MYO7A: variants seen among roughly 807,000 people sequenced by gnomAD.
MYO7A encodes myosin VIIA.
In MYO7A, 210 loss-of-function variants were observed where a neutral mutation model predicts 263.8. The ratio of observed to expected loss-of-function variants is 0.80; its 90% confidence interval spans 0.71 to 0.89. The LOEUF (loss-of-function observed/expected upper bound fraction) is 0.89, where lower values mean the gene tolerates loss of function less well. Among genes scored for constraint, MYO7A ranks in the 40% least tolerant of loss-of-function variants. MYO7A has a pLI of 0.00. For synonymous variants in MYO7A, 1,239 were observed against 1,197.3 expected (o/e 1.03, Z -0.72); for missense variants, 2,820 against 2,968.3 (o/e 0.95, Z 1.16).
chr11:77,176,869 T>C (rs1225109599), intron 18 of MYO7A, among the ~76,000 whole-genome samples: 1 of 152,056 alleles, frequency 6.6e-6, no homozygotes, highest in Non-Finnish European at 1.5e-5. Flanking sequence ...TGCCAGCACA[T>C]GGAGGTGTTC....
chr11:77,187,600 G>A (rs1955739389), intron 27 of MYO7A, among the ~76,000 whole-genome samples: 1 of 152,184 alleles, frequency 6.6e-6, no homozygotes, highest in Non-Finnish European at 1.5e-5. Flanking sequence ...CTTCCCCACA[G>A]GGCCAGGAGA....
At chr11:77,205,314 GGGGTCCTGAGA>G in intron 39 of MYO7A, 137 bp from the exon 40 acceptor site, 1 of 944,094 alleles carries the variant, frequency 1.1e-6, no homozygotes. Context: ...GGTAGGGTGA[GGGGTCCTGAGA>G]TAGGGTAAAG....
chr11:77,177,929 G>A (rs1341170626), intron 19 of MYO7A, among the ~76,000 whole-genome samples: 2 of 152,100 alleles, frequency 1.3e-5, no homozygotes, highest in Admixed American at 6.5e-5. Context: ...TGGACCCACT[G>A]TTCATGTCAG....
rs1956489145 is a variant in MYO7A, at chr11:77,194,454, C to T, written c.4253C>T (p.Pro1418Leu). The T allele has an allele frequency of 1.2e-6, 2 of 1,610,704 alleles. No homozygotes were observed. Among genetic ancestry groups the T allele is most frequent in the South Asian group, 2.2e-5 (2 of 90,132 alleles). ...RLLNLVPTYIPDREITPLKTL... is the reference protein window; with the variant it reads ...RLLNLVPTYILDREITPLKTL... ...CTGAACCTCGTGCCCACCTACATCCCCGACCGCGAGATCACGCCCCTGAAG... is the reference window on the plus strand; with the variant it reads ...CTGAACCTCGTGCCCACCTACATCCTCGACCGCGAGATCACGCCCCTGAAG... The change falls in exon 32 of 49, where the codon CCC (proline) becomes CTC (leucine). Residue 1418 changes from proline to leucine, a missense_variant. Coordinates refer to ENST00000409709, the MANE Select transcript of MYO7A (RefSeq NM_000260.4).
At chr11:77,171,509 C>T (rs1954092466) in intron 15 of MYO7A, among the ~76,000 whole-genome samples, 1 of 152,108 alleles carries the variant, frequency 6.6e-6, no homozygotes, top group African/African-American at 2.4e-5. Flanking sequence ...ATTTCAGAAT[C>T]GCAGGCACTG....
chr11:77,190,943 A>G (rs1956022322), intron 30 of MYO7A, 73 bp downstream of exon 30: 1 of 1,442,140 alleles, frequency 6.9e-7, no homozygotes, highest in Non-Finnish European at 9.3e-7. Flanking sequence ...CAGTGCTGCC[A>G]CCTACTTGCC....
At chr11:77,148,955 A>T (rs60700681) in intron 4 of MYO7A, among the ~76,000 whole-genome samples, 2,097 of 152,276 alleles carry the variant, frequency 0.014, 43 homozygotes, top group African/African-American at 0.048. Flanking sequence ...GTTTGAAGAA[A>T]ATCTGGCCTC....
chr11:77,159,409 C>A, intron 9 of MYO7A, 38 bp from the exon 10 acceptor site: 7 of 1,117,452 alleles, frequency 6.3e-6, no homozygotes, highest in South Asian at 2.5e-5. Context: ...TGTTGCCCAC[C>A]CTCCCTCCCC....
Position 77,204,140 on chromosome 11 carries a change from C to G in MYO7A, c.5391C>G (p.Asp1797Glu), listed in dbSNP as rs771261786. ...KRTRSVNELT[D>E]QIFEGPLKAE... ...CACGCTCCGTCAACGAGCTCACCGA[C>G]CAGATCTTTGAGGGTCCCCTGAAAG... is the stretch of plus-strand genomic sequence containing the variant. The change falls in exon 39 of 49, where the codon GAC becomes GAG. Residue 1797 changes from aspartate to glutamate, a missense_variant. By Grantham distance (45) the Asp-to-Glu change is conservative. Transcript: ENST00000409709. 17 of 1,598,818 alleles carry G rather than the reference C, an allele frequency of 1.1e-5. No individual in the cohort carries two copies. The highest frequency in any genetic ancestry group is 1.4e-5 in the Non-Finnish European group (17 of 1,173,048).
At chr11:77,202,915 T>C (rs1347955631) in intron 37 of MYO7A, 145 bp from the exon 38 acceptor site, 5 of 1,050,824 alleles carry the variant, frequency 4.8e-6, no homozygotes, top group Non-Finnish European at 6.6e-6. Flanking sequence ...TCGGGTCACA[T>C]GCAGGGCAGG....
intron 27 of MYO7A, among the ~76,000 whole-genome samples, chr11:77,185,659 C>T (rs1019941698): frequency 6.6e-6 from 1 of 152,228 alleles, no homozygotes; most frequent in Non-Finnish European, 1.5e-5. Context: ...TTCTTCTAAA[C>T]TCCTATTGAT....
intron 34 of MYO7A, 51 bp from the exon 35 acceptor site, chr11:77,199,484 T>A: frequency 7.0e-7 from 1 of 1,436,822 alleles, no homozygotes; most frequent in Non-Finnish European, 9.2e-7. Context: ...CTGGGCCACG[T>A]CTCCCACTGG....
chr11:77,153,138 G>T (rs545835994), intron 4 of MYO7A, among the ~76,000 whole-genome samples: 1 of 152,244 alleles, frequency 6.6e-6, no homozygotes, highest in East Asian at 1.9e-4. Flanking sequence ...AGATTGTTGG[G>T]GGGTTGAGTA....
Position 77,162,214 on chromosome 11 carries a change from G to A in MYO7A, c.1438G>A (p.Glu480Lys). 2 of 1,586,622 alleles carry A rather than the reference G, an allele frequency of 1.3e-6. No homozygotes were observed. The highest frequency in any genetic ancestry group is 8.6e-7 in the Non-Finnish European group (1 of 1,165,808). ...FKLEQEEYDL[E>K]SIDWLHIEFT... The stretch of plus-strand genomic sequence containing the variant: ...GCTGGAGCAGGAGGAATATGACCTG[G>A]AGAGCATTGACTGGCTGCACATCGA... Residue 480 changes from glutamate (E) to lysine (K), a missense_variant, in exon 13 of 49, where the codon GAG (glutamate) becomes AAG (lysine). Glu to Lys is a moderately conservative substitution (Grantham distance 56, BLOSUM62 1). Transcript: ENST00000409709.
At chr11:77,166,005 G>A (rs1953506754) in intron 14 of MYO7A, 51 bp from the exon 15 acceptor site, 2 of 1,379,056 alleles carry the variant, frequency 1.5e-6, no homozygotes, top group Admixed American at 3.5e-5. Context: ...TATGGGTTTG[G>A]GGAGGGCCTG....
intron 24 of MYO7A, 82 bp from the exon 25 acceptor site, chr11:77,182,332 TGTCTCCAGCC>T: frequency 1.4e-6 from 2 of 1,453,086 alleles, no homozygotes; most frequent in South Asian, 2.7e-5. Context: ...CGGGAGGGGG[TGTCTCCAGCC>T]CACTCCCCAA....
At chr11:77,133,411 G>T (rs771356461) in intron 2 of MYO7A, among the ~76,000 whole-genome samples, 44 of 152,224 alleles carry the variant, frequency 2.9e-4, no homozygotes, top group Admixed American at 7.2e-4. Flanking sequence ...GAGGTTTGAA[G>T]ATAAATTTGT....
At chr11:77,131,414 G>A (rs900999465) in intron 2 of MYO7A, among the ~76,000 whole-genome samples, 8 of 152,324 alleles carry the variant, frequency 5.3e-5, no homozygotes, top group East Asian at 1.9e-4. Context: ...GAGTGCGTGC[G>A]CGTGTGTGTG....
Position 77,205,652 on chromosome 11 carries a change from G to T in MYO7A, c.5636+35G>T, listed in dbSNP as rs745527581. On this transcript the variant is annotated intron_variant, in intron 40 of 48. Coordinates refer to ENST00000409709, the MANE Select transcript of MYO7A (RefSeq NM_000260.4). ...CCACCAGGGGCAGGGACAGACACTG[G>T]GGCGGGCTCCTGGCCACGCGGGGCT... is the stretch of plus-strand genomic sequence containing the variant. The T allele has an allele frequency of 3.1e-6, 5 of 1,610,906 alleles. No homozygotes were observed. The South Asian group carries it at 5.5e-5, about 18-fold the overall frequency.
Sources: allele counts gnomAD v4.1 joint callset (sites outside exome capture counted in the v4.1 genomes callset), GRCh38; gene constraint gnomAD v4.1.1; transcripts MANE v1.5; gene names NCBI Gene and HGNC (gene_info 2026-07-23, HGNC 2026-07-21).